The following NUP214 variants were observed in gnomAD, a reference collection of about 807,000 sequenced individuals.
The protein encoded by NUP214 is nucleoporin 214.
NUP214 carries 79 observed loss-of-function variants against 196.2 expected under a neutral mutation model. The observed-to-expected ratio is 0.40, with a 90% CI of 0.34 to 0.49. The LOEUF (loss-of-function observed/expected upper bound fraction) is 0.49. Among genes scored for constraint, NUP214 ranks in the 20% least tolerant of loss-of-function variants. The probability of loss-of-function intolerance (pLI) is 0.58; values close to 1 mark genes in which losing one functional copy is unlikely to be tolerated. For missense variants in NUP214, 2,468 were observed against 2,539.0 expected (o/e 0.97, Z 0.60); for synonymous variants, 1,020 against 990.5 (o/e 1.03, Z -0.56).
At chr9:131,130,874 T>C in intron 5 of NUP214, 38 bp downstream of exon 5, 1 of 1,572,470 alleles carries the variant, frequency 6.4e-7, no homozygotes, top group Non-Finnish European at 8.7e-7. Context: ...TTTTCTTAAG[T>C]TGCCCACTTT....
intron 17 of NUP214, among the ~76,000 whole-genome samples, chr9:131,154,672 A>C (rs1433082102): frequency 6.6e-6 from 1 of 152,184 alleles, no homozygotes; most frequent in Non-Finnish European, 1.5e-5. Context: ...ATCCCTTTGC[A>C]TCCTCATAGT....
chr9:131,148,057 C>T (rs778786399), intron 14 of NUP214, among the ~76,000 whole-genome samples: 18 of 152,184 alleles, frequency 1.2e-4, no homozygotes, highest in African/African-American at 1.9e-4. Context: ...CGTGGTGGCA[C>T]GTACTTGTAG....
chr9:131,207,564 A>G (rs184158874), intron 30 of NUP214, among the ~76,000 whole-genome samples: 6 of 152,356 alleles, frequency 3.9e-5, no homozygotes, highest in Non-Finnish European at 8.8e-5. Context: ...TTTATGACCT[A>G]TCCTCAGAAG....
chr9:131,132,735 T>C (rs575837702), intron 6 of NUP214, 76 bp downstream of exon 6: 3 of 1,243,612 alleles, frequency 2.4e-6, no homozygotes, highest in East Asian at 4.6e-5. Context: ...AATCATGTAA[T>C]GTACCTGCTC....
chr9:131,160,839 G>A (rs553104079), intron 18 of NUP214, among the ~76,000 whole-genome samples: 5 of 152,304 alleles, frequency 3.3e-5, no homozygotes, highest in South Asian at 2.1e-4. Context: ...GCTCTCCTCC[G>A]CCACTATCTA....
chr9:131,175,077 G>T (rs1833076762), intron 22 of NUP214, among the ~76,000 whole-genome samples: 4 of 152,166 alleles, frequency 2.6e-5, no homozygotes, highest in Admixed American at 2.0e-4. Flanking sequence ...TCACTGTACT[G>T]ACAGGTGTTG....
chr9:131,181,121 T>C (rs927062828), intron 24 of NUP214, among the ~76,000 whole-genome samples: 15 of 152,116 alleles, frequency 9.9e-5, no homozygotes, highest in African/African-American at 3.6e-4. Flanking sequence ...GGGAAGGCCT[T>C]CTCAGGAAGG....
At chr9:131,203,001 A>G (rs1267204845) in intron 30 of NUP214, among the ~76,000 whole-genome samples, 1 of 151,344 alleles carries the variant, frequency 6.6e-6, no homozygotes, top group African/African-American at 2.4e-5. Flanking sequence ...GCCGGACTGC[A>G]GTGGTGCTAT....
intron 32 of NUP214, among the ~76,000 whole-genome samples, chr9:131,226,372 CTGTT>C (rs1834725364): frequency 6.6e-6 from 1 of 152,020 alleles, no homozygotes; most frequent in Non-Finnish European, 1.5e-5. Context: ...TGTTTTCTTC[CTGTT>C]TAATTTGGCT....
rs1210153519 is a variant in NUP214 at position 131,144,554 on chromosome 9, T to TC, written c.1574dup (p.Ser526PhefsTer2). 3 of 1,614,026 alleles carry TC rather than the reference T, an allele frequency of 1.9e-6. No individual in the cohort carries two copies. The highest frequency in any genetic ancestry group is 1.7e-6 in the Non-Finnish European group (2 of 1,179,980). The stretch of plus-strand genomic sequence containing the variant: ...CTGGCCCATCAACCTTCTCTTTTGT[T>TC]CCCCCTTCTAAAGCCTCCCTAGCCC... On this transcript the variant is annotated frameshift_variant, in exon 12 of 36. Transcript: ENST00000359428. LOFTEE classifies it high-confidence loss of function.
chr9:131,125,930 C>T lies in NUP214; in HGVS notation c.45+181C>T, dbSNP rs1421816202. The T allele has an allele frequency of 7.0e-6, 5 of 716,370 alleles. No individual in the cohort carries two copies. Among genetic ancestry groups the T allele is most frequent in the Non-Finnish European group, 1.2e-5 (5 of 426,398 alleles). 44.4% of individuals were successfully genotyped at this position (716,370 alleles called of 1,614,324 possible). ...GTGATAGCCCCACCGAATGCAGTTTCCCAGTCCCATCCTGGTCTCGTGCAC... is the reference window on the plus strand; with the variant it reads ...GTGATAGCCCCACCGAATGCAGTTTTCCAGTCCCATCCTGGTCTCGTGCAC... On this transcript the variant is annotated intron_variant, in intron 1 of 35. Coordinates refer to ENST00000359428, the MANE Select transcript of NUP214 (RefSeq NM_005085.4). The surrounding 1 kb of genome is among the most constrained non-coding windows in gnomAD (Gnocchi z 4.1).
At chr9:131,179,797 A>G (rs143624796) in intron 24 of NUP214, among the ~76,000 whole-genome samples, 20 of 152,210 alleles carry the variant, frequency 1.3e-4, no homozygotes, top group African/African-American at 4.6e-4. Flanking sequence ...CTCTATTACT[A>G]TTTTGTAGTG....
At chr9:131,135,031 T>C (rs1210227102) in intron 8 of NUP214, 27 bp downstream of exon 8, 2 of 1,466,186 alleles carry the variant, frequency 1.4e-6, no homozygotes, top group Non-Finnish European at 1.9e-6. Context: ...GACAGGGCAT[T>C]CCTGCTCTCA....
At chr9:131,214,936 T>C (rs1019583430) in intron 30 of NUP214, among the ~76,000 whole-genome samples, 3 of 152,216 alleles carry the variant, frequency 2.0e-5, no homozygotes, top group African/African-American at 7.2e-5. Context: ...AAACAGACAC[T>C]GCGGGCAGTG....
chr9:131,223,075 T>C (rs1834607371), intron 32 of NUP214, 145 bp downstream of exon 32: 1 of 648,332 alleles, frequency 1.5e-6, no homozygotes, highest in South Asian at 3.1e-5. Flanking sequence ...GCATTATTTT[T>C]ATATTTACTG....
intron 30 of NUP214, among the ~76,000 whole-genome samples, chr9:131,212,152 C>A (rs1369458291): frequency 6.6e-6 from 1 of 152,166 alleles, no homozygotes; most frequent in Non-Finnish European, 1.5e-5. Flanking sequence ...TCCTGTGGCA[C>A]CCCAGGCCTC....
At chr9:131,164,031 A>G (rs781054484) in intron 20 of NUP214, 30 bp from the exon 21 acceptor site, 3 of 1,613,898 alleles carry the variant, frequency 1.9e-6, no homozygotes, top group Middle Eastern at 1.7e-4. Flanking sequence ...CTGAGTCTTA[A>G]TCATTTATGG....
At chr9:131,163,310 C>T (rs1832696175) in intron 19 of NUP214, 137 bp downstream of exon 19, 6 of 810,608 alleles carry the variant, frequency 7.4e-6, no homozygotes, top group Non-Finnish European at 1.1e-5. Flanking sequence ...GGGTCCCACC[C>T]TCTCTGATCC....
chr9:131,146,859 G>A lies in NUP214; in HGVS notation c.1945+555G>A, dbSNP rs1269511707. ...GCGGGAGAATCACTTGAACCTAGGA[G>A]GCAGAGATTGCAGGGAGTCGAGATC... On this transcript the variant is annotated intron_variant, in intron 13 of 35. Coordinates refer to ENST00000359428, the MANE Select transcript of NUP214 (RefSeq NM_005085.4). This position sits in a 1 kb window ranked among gnomAD's most constrained non-coding sequence, Gnocchi z 4.6. Among the ~76,000 whole-genome samples the A allele has an allele frequency of 6.6e-6, 1 of 151,876 alleles. No individual in the cohort carries two copies. Among genetic ancestry groups the A allele is most frequent in the East Asian group, 1.9e-4 (1 of 5,170 alleles).
Sources: allele counts gnomAD v4.1 joint callset (sites outside exome capture counted in the v4.1 genomes callset), GRCh38; gene constraint gnomAD v4.1.1; non-coding constraint Gnocchi (gnomAD v3.1); transcripts MANE v1.5; gene names NCBI Gene and HGNC (gene_info 2026-07-23, HGNC 2026-07-21).